The following ERBB4 variants were observed in gnomAD, a reference collection of about 807,000 sequenced individuals.
ERBB4 encodes the protein receptor tyrosine-protein kinase erbB-4.
In ERBB4, 42 loss-of-function variants were observed where a neutral mutation model predicts 158.0. The ratio of observed to expected loss-of-function variants is 0.27; its 90% confidence interval spans 0.21 to 0.34. The LOEUF (loss-of-function observed/expected upper bound fraction) is 0.34. Ranked by LOEUF, ERBB4 falls within the 10% of genes least tolerant of loss-of-function variation. ERBB4 has a pLI of 1.00. For synonymous variants in ERBB4, 583 were observed against 558.7 expected (o/e 1.04, Z -0.61); for missense variants, 1,333 against 1,624.1 (o/e 0.82, Z 3.08).
intron 1 of ERBB4, among the ~76,000 whole-genome samples, chr2:212,499,332 G>A (rs77159266): frequency 0.084 from 12,742 of 151,948 alleles, 599 homozygotes; most frequent in South Asian, 0.11. Context: ...AAATCTCTGT[G>A]AATCCTTTCT....
intron 1 of ERBB4, among the ~76,000 whole-genome samples, chr2:212,480,150 C>A (rs1055773879): frequency 6.6e-6 from 1 of 152,044 alleles, no homozygotes; most frequent in African/African-American, 2.4e-5. Flanking sequence ...ACTTAAAATA[C>A]CTGATAACAA....
intron 16 of ERBB4, among the ~76,000 whole-genome samples, chr2:211,655,052 T>G (rs952823206): frequency 1.3e-5 from 2 of 152,156 alleles, no homozygotes; most frequent in African/African-American, 2.4e-5. Flanking sequence ...TGATTTTGAG[T>G]TAAATAACCT....
intron 20 of ERBB4, among the ~76,000 whole-genome samples, chr2:211,560,514 C>T (rs2067361717): frequency 6.7e-6 from 1 of 149,072 alleles, no homozygotes; most frequent in Non-Finnish European, 1.5e-5. Context: ...CCTCAGGTGA[C>T]CCACCTGCCT....
chr2:212,186,813 C>T (rs1452543182), intron 1 of ERBB4, among the ~76,000 whole-genome samples: 3 of 151,940 alleles, frequency 2.0e-5, no homozygotes, highest in African/African-American at 7.3e-5. Flanking sequence ...AAGTATGCAG[C>T]GATAAAATAC....
At chr2:211,976,379 G>A (rs943144823) in intron 2 of ERBB4, among the ~76,000 whole-genome samples, 21 of 152,122 alleles carry the variant, frequency 1.4e-4, no homozygotes, top group African/African-American at 5.1e-4. Flanking sequence ...TTCATTTCTT[G>A]TTCATTCACA....
At chr2:212,020,782 A>T (rs558835314) in intron 2 of ERBB4, among the ~76,000 whole-genome samples, 1 of 152,278 alleles carries the variant, frequency 6.6e-6, no homozygotes, top group East Asian at 1.9e-4. Context: ...AGATCATTCA[A>T]CATGCAATTG....
At chr2:212,044,759 T>C (rs1032989135) in intron 2 of ERBB4, among the ~76,000 whole-genome samples, 1 of 152,194 alleles carries the variant, frequency 6.6e-6, no homozygotes, top group Non-Finnish European at 1.5e-5. Flanking sequence ...ACCCTTATAG[T>C]TCAGGGAATC....
chr2:211,521,946 T>G (rs2066196670), intron 20 of ERBB4, among the ~76,000 whole-genome samples: 1 of 152,152 alleles, frequency 6.6e-6, no homozygotes, highest in Non-Finnish European at 1.5e-5. Context: ...GTATAATGGC[T>G]AATTGACAAT....
At chr2:211,910,627 T>C (rs72933741) in intron 3 of ERBB4, among the ~76,000 whole-genome samples, 9,687 of 151,886 alleles carry the variant, frequency 0.064, 454 homozygotes, top group Non-Finnish European at 0.093. Context: ...TGAAGGACAC[T>C]AGGCTTAATA....
chr2:212,139,741 A>T (rs1310339502), intron 1 of ERBB4, among the ~76,000 whole-genome samples: 1 of 151,964 alleles, frequency 6.6e-6, no homozygotes, highest in Admixed American at 6.6e-5. Flanking sequence ...TTTCAAACTA[A>T]ATCACTTACT....
chr2:212,067,137 A>G (rs1309579425), intron 2 of ERBB4, among the ~76,000 whole-genome samples: 2 of 152,060 alleles, frequency 1.3e-5, no homozygotes, highest in African/African-American at 4.8e-5. Context: ...AAATGGAAAC[A>G]TTTAATTTTC....
chr2:212,435,803 A>G (rs1454039635), intron 1 of ERBB4, among the ~76,000 whole-genome samples: 1 of 151,960 alleles, frequency 6.6e-6, no homozygotes, highest in Non-Finnish European at 1.5e-5. Context: ...CTAGGATTTG[A>G]TCCCAGGGTT....
chr2:212,229,164 T>C (rs1521641), intron 1 of ERBB4, among the ~76,000 whole-genome samples: 84,983 of 151,974 alleles, frequency 0.56, 23,977 homozygotes, highest in East Asian at 0.76. Context: ...ATGTGGAAAA[T>C]ATAATGAGGG....
chr2:212,492,663 G>A (rs963651259), intron 1 of ERBB4, among the ~76,000 whole-genome samples: 1 of 151,262 alleles, frequency 6.6e-6, no homozygotes, highest in Admixed American at 6.6e-5. Flanking sequence ...ATAAAACTCA[G>A]GTATAGGATA....
chr2:211,405,207 T>C (rs1327486632), intron 25 of ERBB4, among the ~76,000 whole-genome samples: 1 of 152,102 alleles, frequency 6.6e-6, no homozygotes, highest in Non-Finnish European at 1.5e-5. Flanking sequence ...ATATGCTATG[T>C]TGCCATATCA....
intron 1 of ERBB4, among the ~76,000 whole-genome samples, chr2:212,177,234 C>CTA (rs200985675): frequency 0.014 from 2,152 of 151,352 alleles, 29 homozygotes; most frequent in Middle Eastern, 0.027. Flanking sequence ...GTTAATTATA[C>CTA]TATATATATA....
At chr2:212,191,133 T>C (rs536925103) in intron 1 of ERBB4, among the ~76,000 whole-genome samples, 1 of 152,112 alleles carries the variant, frequency 6.6e-6, no homozygotes, top group African/African-American at 2.4e-5. Flanking sequence ...AAAACAAGGG[T>C]TTAAGAAAGT....
rs115739955 is a variant in ERBB4 at position 211,384,931 on chromosome 2, A to T, written c.3482-871T>A. Among the ~76,000 whole-genome samples the T allele has an allele frequency of 8.8e-3, 1,346 of 152,188 alleles. 20 individuals are homozygous for T. The highest frequency in any genetic ancestry group is 0.031 in the African/African-American group (1,287 of 41,532). The stretch of plus-strand genomic sequence containing the variant: ...ATTATCACCATTCTCCTGAAGCTTA[A>T]TTCCACATCTATGTCTATAATATAG... On this transcript the variant is annotated intron_variant, in intron 27 of 27. Transcript: ENST00000342788.
intron 1 of ERBB4, among the ~76,000 whole-genome samples, chr2:212,152,213 A>G (rs1268592276): frequency 6.6e-6 from 1 of 152,152 alleles, no homozygotes; most frequent in African/African-American, 2.4e-5. Flanking sequence ...ATCGGTCTCC[A>G]TCATCTATTA....
Sources: allele counts gnomAD v4.1 joint callset (sites outside exome capture counted in the v4.1 genomes callset), GRCh38; gene constraint gnomAD v4.1.1; transcripts MANE v1.5; gene names NCBI Gene and HGNC (gene_info 2026-07-23, HGNC 2026-07-21).